CRIM1: variants seen among roughly 807,000 people sequenced by gnomAD.
CRIM1 encodes the protein cysteine-rich motor neuron 1 protein.
In CRIM1, 32 loss-of-function variants were observed where a neutral mutation model predicts 116.4. That is an observed-to-expected ratio of 0.27 (90% CI 0.21 to 0.37). The LOEUF is 0.37. Among genes scored for constraint, CRIM1 ranks in the 10% least tolerant of loss-of-function variants. CRIM1 has a pLI of 1.00. For synonymous variants in CRIM1, 590 were observed against 509.2 expected, an observed-to-expected ratio of 1.16 and a Z score of -2.13; for missense variants, 1,331 against 1,354.8, an observed-to-expected ratio of 0.98 and a Z score of 0.28.
intron 4 of CRIM1, among the ~76,000 whole-genome samples, chr2:36,461,401 GAGAA>G (rs1014296295): frequency 1.4e-4 from 22 of 152,314 alleles, no homozygotes; most frequent in African/African-American, 5.3e-4. Context: ...TTAAAATGAA[GAGAA>G]AGAATGTGGT....
intron 7 of CRIM1, among the ~76,000 whole-genome samples, chr2:36,486,672 G>A (rs1005460282): frequency 2.0e-5 from 3 of 152,066 alleles, no homozygotes; most frequent in Non-Finnish European, 4.4e-5. Flanking sequence ...ATACCTAAAA[G>A]GGTATTATTG....
intron 7 of CRIM1, among the ~76,000 whole-genome samples, chr2:36,495,475 ATTTTTTT>A (rs1024205619): frequency 1.9e-4 from 25 of 129,646 alleles, no homozygotes; most frequent in East Asian, 1.0e-3. Context: ...TTATTTATTT[ATTTTTTT>A]TTTTTTTTTT....
chr2:36,411,159 A>C (rs1416171204), intron 2 of CRIM1, among the ~76,000 whole-genome samples: 2 of 152,216 alleles, frequency 1.3e-5, no homozygotes, highest in Non-Finnish European at 2.9e-5. Context: ...TGCTAATTAC[A>C]ATAGGACCTT....
intron 2 of CRIM1, among the ~76,000 whole-genome samples, chr2:36,407,339 T>C (rs536110761): frequency 6.6e-6 from 1 of 152,340 alleles, no homozygotes; most frequent in South Asian, 2.1e-4. Context: ...ATTCTAGCGA[T>C]GTCATTGGGA....
intron 2 of CRIM1, among the ~76,000 whole-genome samples, chr2:36,438,887 AAATCTG>A (rs1675554315): frequency 6.6e-6 from 1 of 152,198 alleles, no homozygotes; most frequent in South Asian, 2.1e-4. Context: ...TTGGGCAAAT[AAATCTG>A]AATCTCAGTT....
chr2:36,528,554 A>T (rs1395890827), intron 13 of CRIM1, among the ~76,000 whole-genome samples: 1 of 152,232 alleles, frequency 6.6e-6, no homozygotes, highest in African/African-American at 2.4e-5. Flanking sequence ...ATCCACTGTG[A>T]TTCCTGGGAA....
At chr2:36,381,401 G>C (rs745939016) in intron 1 of CRIM1, among the ~76,000 whole-genome samples, 1 of 152,202 alleles carries the variant, frequency 6.6e-6, no homozygotes, top group East Asian at 1.9e-4. Context: ...CTGTGGCCCC[G>C]GGGCCTCTGG....
intron 2 of CRIM1, among the ~76,000 whole-genome samples, chr2:36,402,325 T>C (rs775264408): frequency 6.6e-6 from 1 of 151,814 alleles, no homozygotes; most frequent in Non-Finnish European, 1.5e-5. Flanking sequence ...GAGTTTGCCT[T>C]ATGATGACCT....
intron 4 of CRIM1, among the ~76,000 whole-genome samples, chr2:36,449,893 C>A (rs896635968): frequency 7.2e-6 from 1 of 137,932 alleles, no homozygotes; most frequent in African/African-American, 2.8e-5. Flanking sequence ...CAAAAAAAAA[C>A]CTTAGAAACA....
chr2:36,469,457 T>C (rs1349712997), intron 5 of CRIM1, among the ~76,000 whole-genome samples: 1 of 152,144 alleles, frequency 6.6e-6, no homozygotes, highest in East Asian at 1.9e-4. Context: ...AGTAATTAGT[T>C]CCTGTTTTAT....
intron 7 of CRIM1, among the ~76,000 whole-genome samples, chr2:36,494,732 A>C (rs1348608619): frequency 6.6e-6 from 1 of 152,202 alleles, no homozygotes; most frequent in Non-Finnish European, 1.5e-5. Context: ...TTCTAGGCTC[A>C]GAATATTTTA....
At chr2:36,526,506 T>C (rs1418151415) in intron 13 of CRIM1, among the ~76,000 whole-genome samples, 1 of 152,206 alleles carries the variant, frequency 6.6e-6, no homozygotes, top group Non-Finnish European at 1.5e-5. Context: ...ATTATTTCAG[T>C]GCTTTCAGTG....
At chr2:36,478,212 C>G (rs770110951) in intron 6 of CRIM1, among the ~76,000 whole-genome samples, 3 of 152,142 alleles carry the variant, frequency 2.0e-5, no homozygotes, top group Admixed American at 6.5e-5. Context: ...GTTCTTTTCC[C>G]TACTAGAGGT....
intron 7 of CRIM1, among the ~76,000 whole-genome samples, chr2:36,480,282 T>A (rs1679306248): frequency 6.6e-6 from 1 of 152,184 alleles, no homozygotes; most frequent in African/African-American, 2.4e-5. Context: ...CCTGGACTAG[T>A]TTTTCTGTCC....
chr2:36,357,418 T>C (rs1303171499), intron 1 of CRIM1, among the ~76,000 whole-genome samples: 2 of 152,192 alleles, frequency 1.3e-5, no homozygotes, highest in African/African-American at 4.8e-5. Flanking sequence ...CGGGGATTGT[T>C]CTGCTGGCTT....
chr2:36,422,368 A>T (rs1301950368), intron 2 of CRIM1, among the ~76,000 whole-genome samples: 2 of 152,156 alleles, frequency 1.3e-5, no homozygotes, highest in Non-Finnish European at 2.9e-5. Flanking sequence ...TAGAGTGTGT[A>T]GTTAATAAAA....
At chr2:36,482,744 G>C (rs867137031) in intron 7 of CRIM1, among the ~76,000 whole-genome samples, 1 of 152,140 alleles carries the variant, frequency 6.6e-6, no homozygotes, top group Non-Finnish European at 1.5e-5. Flanking sequence ...ACAGTCTCTA[G>C]GTACATCGTC....
intron 2 of CRIM1, among the ~76,000 whole-genome samples, chr2:36,425,381 A>G (rs957700747): frequency 3.3e-5 from 5 of 152,192 alleles, no homozygotes; most frequent in Non-Finnish European, 7.3e-5. Flanking sequence ...TGTTAAAACT[A>G]TTTCACTAGG....
intron 2 of CRIM1, 57 bp from the exon 3 acceptor site, chr2:36,441,201 G>T (rs1675791713): frequency 3.7e-6 from 6 of 1,605,842 alleles, no homozygotes; most frequent in East Asian, 2.2e-5. Flanking sequence ...TTGTTCTTCT[G>T]TTGAAAGTGC....
Sources: allele counts gnomAD v4.1 joint callset (sites outside exome capture counted in the v4.1 genomes callset), GRCh38; gene constraint gnomAD v4.1.1; transcripts MANE v1.5; gene names NCBI Gene and HGNC (gene_info 2026-07-23, HGNC 2026-07-21).